USP22: variants seen among roughly 807,000 people sequenced by gnomAD.
USP22 encodes ubiquitin specific peptidase 22, also known as ubiquitin carboxyl-terminal hydrolase 22.
Under a neutral mutation model 68.1 loss-of-function variants are expected in USP22, and 22 were observed. The observed-to-expected ratio is 0.32, with a 90% CI of 0.23 to 0.46. The LOEUF (loss-of-function observed/expected upper bound fraction) is 0.46, where lower values mean the gene tolerates loss of function less well. Among genes scored for constraint, USP22 ranks in the 20% least tolerant of loss-of-function variants. The probability of loss-of-function intolerance (pLI) is 1.00; values close to 1 mark genes in which losing one functional copy is unlikely to be tolerated. For synonymous variants in USP22, 279 were observed against 274.2 expected (o/e 1.02, Z -0.17); for missense variants, 433 against 695.8 (o/e 0.62, Z 4.25).
chr17:21,004,051 G>C (rs1913692629), intron 12 of USP22, 151 bp downstream of exon 12: 2 of 1,119,524 alleles, frequency 1.8e-6, no homozygotes, highest in Non-Finnish European at 1.2e-6. Flanking sequence ...ATCGAGGCTG[G>C]CATCCTATCC....
intron 2 of USP22, among the ~76,000 whole-genome samples, chr17:21,025,474 G>C (rs746907760): frequency 6.6e-6 from 1 of 152,228 alleles, no homozygotes; most frequent in Non-Finnish European, 1.5e-5. Flanking sequence ...GCAGTGACCT[G>C]ATGACCCTGC....
At chr17:21,017,507 T>C (rs1002637011) in intron 5 of USP22, among the ~76,000 whole-genome samples, 1 of 152,208 alleles carries the variant, frequency 6.6e-6, no homozygotes, top group Non-Finnish European at 1.5e-5. Flanking sequence ...GTGCAGCGCG[T>C]AGCTCATGAG....
At chr17:21,038,718 A>G (rs1972388057) in intron 1 of USP22, among the ~76,000 whole-genome samples, 1 of 152,072 alleles carries the variant, frequency 6.6e-6, no homozygotes, top group East Asian at 1.9e-4. Flanking sequence ...TGTTTTGAGG[A>G]CACAGTGCCA....
rs116257320 is a variant in USP22, at chr17:21,010,275, A to T, written c.1103+876T>A. Among the ~76,000 whole-genome samples, 1,319 of 152,374 alleles carry T rather than the reference A, an allele frequency of 8.7e-3. 27 individuals carry two copies. Among genetic ancestry groups the T allele is most frequent in the African/African-American group, 0.029 (1,220 of 41,588 alleles). ...TTCCACTCAACAAGGACTCTTCTGCATTACCTTTAATTGATGCAAATAAAA... is the reference window on the plus strand; with the variant it reads ...TTCCACTCAACAAGGACTCTTCTGCTTTACCTTTAATTGATGCAAATAAAA... On this transcript the variant is annotated intron_variant, in intron 8 of 12. Transcript: ENST00000261497.
intron 8 of USP22, among the ~76,000 whole-genome samples, chr17:21,009,958 C>CA (rs1206435442): frequency 1.1e-3 from 122 of 106,992 alleles, no homozygotes; most frequent in South Asian, 2.7e-3. Context: ...GACTCCGTCT[C>CA]AAAAAAAAAA....
chr17:21,016,376 C>T (rs1477040526), intron 5 of USP22, among the ~76,000 whole-genome samples: 2 of 152,226 alleles, frequency 1.3e-5, no homozygotes, highest in Non-Finnish European at 1.5e-5. Flanking sequence ...TCCTCTCCAA[C>T]AGCTCAACTC....
At chr17:21,007,011 A>C in intron 9 of USP22, 24 bp from the exon 10 acceptor site, 1 of 1,566,894 alleles carries the variant, frequency 6.4e-7, no homozygotes, top group Non-Finnish European at 8.7e-7. Context: ...AAGGGGACAG[A>C]GGGAAGAGGA....
chr17:21,020,727 C>A (rs1972146435), intron 3 of USP22, among the ~76,000 whole-genome samples: 1 of 152,224 alleles, frequency 6.6e-6, no homozygotes, highest in Admixed American at 6.5e-5. Context: ...CAGGGATGTC[C>A]AGATACGGAG....
chr17:21,026,803 ATTT>A (rs576927345), intron 2 of USP22, among the ~76,000 whole-genome samples: 1 of 142,628 alleles, frequency 7.0e-6, no homozygotes, highest in Non-Finnish European at 1.5e-5. Flanking sequence ...TGTCTCCACA[ATTT>A]TTTTTTTTTT....
Position 21,002,848 on chromosome 17 carries a change from CGTCCG to C in USP22, c.*178_*182del, listed in dbSNP as rs1188724222. 38 of 672,904 alleles carry C rather than the reference CGTCCG, an allele frequency of 5.6e-5. No individual in the cohort carries two copies. The highest frequency in any genetic ancestry group is 9.1e-5 in the Non-Finnish European group (35 of 385,312). The allele number at this position is 672,904 out of a possible 1,614,324, so 41.7% of individuals were successfully genotyped here. ...TTCAAAGCAGCTCCAGGAGCCTCCC[CGTCCG>C]TGTGGTCCATCCCGACCCGATGGGT... On this transcript the variant is annotated 3_prime_UTR_variant, in exon 13 of 13. Transcript: ENST00000261497.
At chr17:21,025,465 C>T (rs2143602627) in intron 2 of USP22, among the ~76,000 whole-genome samples, 1 of 152,304 alleles carries the variant, frequency 6.6e-6, no homozygotes, top group African/African-American at 2.4e-5. Context: ...ATAAGTTAAG[C>T]AGTGACCTGA....
intron 1 of USP22, among the ~76,000 whole-genome samples, chr17:21,041,876 C>G (rs1972437580): frequency 6.6e-6 from 1 of 152,250 alleles, no homozygotes; most frequent in South Asian, 2.1e-4. Context: ...GTTAAGGCCT[C>G]CCACAGCCCA....
chr17:21,009,389 C>T (rs1463158100), intron 8 of USP22, among the ~76,000 whole-genome samples: 3 of 152,132 alleles, frequency 2.0e-5, no homozygotes, highest in Non-Finnish European at 4.4e-5. Flanking sequence ...AAAGCTGCAC[C>T]TGTTTCGTTG....
chr17:21,032,815 TG>T (rs1039727847), intron 1 of USP22, among the ~76,000 whole-genome samples: 1 of 148,974 alleles, frequency 6.7e-6, no homozygotes, highest in Non-Finnish European at 1.5e-5. Context: ...GGCACACACC[TG>T]TAGTCCCAGT....
rs560895054 is a variant in USP22, at chr17:21,024,038, C to A, written c.305-2812G>T. Among the ~76,000 whole-genome samples, 9 of 152,294 alleles carry A rather than the reference C, an allele frequency of 5.9e-5. No homozygotes were observed. In the South Asian group the frequency reaches 1.9e-3, roughly 32 times the overall value. On this transcript the variant is annotated intron_variant, in intron 2 of 12. Transcript: ENST00000261497. ...AAAGCAGATCTGTTGAAACTCAAAACAGCAGTTTAAGATTCCCAGGGCTAC... is the reference window on the plus strand; with the variant it reads ...AAAGCAGATCTGTTGAAACTCAAAAAAGCAGTTTAAGATTCCCAGGGCTAC...
At chr17:21,042,563 A>AGGGAAAGG (rs1427707242) in intron 1 of USP22, 102 bp downstream of exon 1, 1 of 665,364 alleles carries the variant, frequency 1.5e-6, no homozygotes, top group Middle Eastern at 5.0e-4. Flanking sequence ...AGGGAAAGGC[A>AGGGAAAGG]ACGGGGGAAG....
At chr17:21,011,414 T>C in intron 7 of USP22, 105 bp from the exon 8 acceptor site, 2 of 1,407,754 alleles carry the variant, frequency 1.4e-6, no homozygotes, top group South Asian at 1.4e-5. Flanking sequence ...GCTGTGCCCT[T>C]TGTCACAGTG....
rs373885675 is a variant in USP22, at chr17:21,000,628, A to C, written c.*2403T>G. On this transcript the variant is annotated 3_prime_UTR_variant, in exon 13 of 13. Coordinates refer to ENST00000261497, the MANE Select transcript of USP22 (RefSeq NM_015276.2). ...GGCCAAACCCAGGCAGCTGCCAGAA[A>C]GCCTTCTGCACTCCGCAAGACACCC... 7 of 152,166 alleles carry C rather than the reference A, an allele frequency of 4.6e-5. No homozygotes were observed. Among genetic ancestry groups the C allele is most frequent in the African/African-American group, 1.7e-4 (7 of 41,552 alleles). The allele number at this position is 152,166 out of a possible 1,614,324, so 9.4% of individuals were successfully genotyped here.
intron 8 of USP22, among the ~76,000 whole-genome samples, chr17:21,010,391 A>T (rs543806846): frequency 2.0e-4 from 30 of 152,026 alleles, no homozygotes; most frequent in East Asian, 1.9e-4. Context: ...ATTTTTTTTT[A>T]AAAATCACTC....
Sources: gnomAD v4.1 joint callset for allele counts (sites outside exome capture counted in the v4.1 genomes callset) on GRCh38, gnomAD v4.1.1 for gene constraint, MANE v1.5 for transcripts, NCBI Gene and HGNC (gene_info 2026-07-23, HGNC 2026-07-21) for gene names.